Variants in CADM2 observed in about 807,000 individuals in gnomAD.
CADM2 encodes cell adhesion molecule 2, also known as immunoglobulin superfamily member 4D.
A neutral mutation model predicts 49.8 loss-of-function variants in CADM2; 12 were observed. That is an observed-to-expected ratio of 0.24 (90% CI 0.15 to 0.39). The LOEUF is 0.39. Among genes scored for constraint, CADM2 ranks in the 10% least tolerant of loss-of-function variants. The pLI is 1.00. For synonymous variants in CADM2, 214 were observed against 175.4 expected (o/e 1.22, Z -1.74); for missense variants, 378 against 492.3 (o/e 0.77, Z 2.20).
intron 1 of CADM2, among the ~76,000 whole-genome samples, chr3:85,675,418 C>G (rs908174998): frequency 3.3e-5 from 5 of 152,034 alleles, no homozygotes; most frequent in African/African-American, 1.2e-4. Flanking sequence ...TATTGTTGTT[C>G]AATTTTTAAG....
At chr3:84,983,883 A>C (rs2032363978) in intron 1 of CADM2, among the ~76,000 whole-genome samples, 1 of 152,124 alleles carries the variant, frequency 6.6e-6, no homozygotes, top group Non-Finnish European at 1.5e-5. Context: ...ATGAACTGGA[A>C]AATATGTTAT....
intron 8 of CADM2, among the ~76,000 whole-genome samples, chr3:85,990,803 C>A (rs112965461): frequency 0.012 from 1,860 of 152,260 alleles, 42 homozygotes; most frequent in African/African-American, 0.042. Flanking sequence ...CGTAGATAGA[C>A]CATCCTTTAA....
intron 1 of CADM2, among the ~76,000 whole-genome samples, chr3:85,433,286 A>G (rs1339165220): frequency 2.0e-5 from 3 of 152,154 alleles, no homozygotes; most frequent in African/African-American, 7.2e-5. Context: ...GTTTTCCCAG[A>G]CATCTGTCTA....
chr3:85,087,817 T>C (rs1366139009), intron 1 of CADM2, among the ~76,000 whole-genome samples: 1 of 152,124 alleles, frequency 6.6e-6, no homozygotes, highest in East Asian at 1.9e-4. Context: ...TTCTTACACA[T>C]CCTAAAGGAA....
rs532796554 is a variant in CADM2 at position 85,717,485 on chromosome 3, C to A, written c.62-9037C>A. On this transcript the variant is annotated intron_variant, in intron 1 of 9. Coordinates refer to ENST00000383699, the MANE Select transcript of CADM2 (RefSeq NM_001167675.2). ...CTTCCTATTTGAATATCCTTTATTT[C>A]TTTCTCTCCCCTGATTGCCCTGGCC... Among the ~76,000 whole-genome samples, 37 of 152,202 alleles carry A rather than the reference C, an allele frequency of 2.4e-4. 1 individual carries two copies. The highest frequency in any genetic ancestry group is 8.4e-4 in the African/African-American group (35 of 41,524).
At chr3:85,671,792 A>G (rs1199825390) in intron 1 of CADM2, among the ~76,000 whole-genome samples, 2 of 152,118 alleles carry the variant, frequency 1.3e-5, no homozygotes, top group Non-Finnish European at 2.9e-5. Flanking sequence ...ATCTTCTCAT[A>G]TGTGTACCCT....
At chr3:85,006,654 G>A (rs981600219) in intron 1 of CADM2, among the ~76,000 whole-genome samples, 2 of 151,948 alleles carry the variant, frequency 1.3e-5, no homozygotes, top group African/African-American at 4.8e-5. Flanking sequence ...TTCTTGTAGG[G>A]TAGCAACAAT....
At chr3:85,721,406 TG>T (rs1209800818) in intron 1 of CADM2, among the ~76,000 whole-genome samples, 2 of 152,124 alleles carry the variant, frequency 1.3e-5, no homozygotes, top group African/African-American at 2.4e-5. Context: ...TCCTCAGGCC[TG>T]CTGGGCTCAT....
intron 3 of CADM2, among the ~76,000 whole-genome samples, chr3:85,824,773 A>C (rs1055739283): frequency 6.6e-6 from 1 of 152,104 alleles, no homozygotes; most frequent in Non-Finnish European, 1.5e-5. Flanking sequence ...GAGCAAGGTC[A>C]GGTACTTCAT....
intron 1 of CADM2, among the ~76,000 whole-genome samples, chr3:85,041,604 C>A (rs993283474): frequency 1.3e-5 from 2 of 152,166 alleles, no homozygotes; most frequent in Non-Finnish European, 2.9e-5. Flanking sequence ...TTTCTAACTT[C>A]AAGGAGTGAG....
rs755033864 is a variant in CADM2, at chr3:85,658,617, T to TACAC, written c.62-67902_62-67901insCACA. On this transcript the variant is annotated intron_variant, in intron 1 of 9. Transcript: ENST00000383699. ...ATATATATATATATATATATATATA[T>TACAC]ACATGTATGCATATGTTTGTTTATG... 2.1e-4 allele frequency among the ~76,000 whole-genome samples: 26 copies of TACAC among 125,090 alleles called. No homozygotes were observed. The East Asian group carries it at 2.9e-3, about 14-fold the overall frequency. 82.1% of individuals were successfully genotyped at this position (125,090 alleles called of 152,430 possible).
chr3:85,186,354 A>C (rs1000918686), intron 1 of CADM2, among the ~76,000 whole-genome samples: 1 of 152,144 alleles, frequency 6.6e-6, no homozygotes, highest in Non-Finnish European at 1.5e-5. Context: ...AATGCCACAT[A>C]ATCTAAAACC....
intron 2 of CADM2, among the ~76,000 whole-genome samples, chr3:85,756,322 C>T (rs550714484): frequency 2.0e-4 from 30 of 152,190 alleles, no homozygotes; most frequent in Admixed American, 5.9e-4. Context: ...TCTTCTAACT[C>T]AAGTTTATTC....
chr3:85,051,059 A>G (rs1375520214), intron 1 of CADM2, among the ~76,000 whole-genome samples: 1 of 152,192 alleles, frequency 6.6e-6, no homozygotes, highest in Admixed American at 6.5e-5. Context: ...TCCAAAGCTT[A>G]TGTGGAGACT....
intron 1 of CADM2, among the ~76,000 whole-genome samples, chr3:85,718,705 G>C (rs879829433): frequency 6.6e-6 from 1 of 151,638 alleles, no homozygotes; most frequent in Non-Finnish European, 1.5e-5. Flanking sequence ...TAAAATATCA[G>C]TTATTTTGCT....
chr3:85,686,947 G>A (rs1039626280), intron 1 of CADM2, among the ~76,000 whole-genome samples: 5 of 152,094 alleles, frequency 3.3e-5, no homozygotes, highest in South Asian at 2.1e-4. Context: ...CCTAAAATGC[G>A]TAAAACCAAA....
intron 1 of CADM2, among the ~76,000 whole-genome samples, chr3:85,521,120 A>G (rs2061018035): frequency 6.6e-6 from 1 of 152,102 alleles, no homozygotes; most frequent in African/African-American, 2.4e-5. Context: ...AATGAACGCA[A>G]TTGTTTAGAG....
At chr3:85,547,508 A>G (rs2061696713) in intron 1 of CADM2, among the ~76,000 whole-genome samples, 1 of 152,122 alleles carries the variant, frequency 6.6e-6, no homozygotes, top group Non-Finnish European at 1.5e-5. Flanking sequence ...AAAAAAGCTG[A>G]CCTGGCAGTC....
intron 8 of CADM2, chr3:86,013,367 G>A: frequency 6.5e-7 from 1 of 1,541,522 alleles, no homozygotes. Flanking sequence ...TGATTCTGAT[G>A]GGAAAGCAAA....
Sources: allele counts gnomAD v4.1 joint callset (sites outside exome capture counted in the v4.1 genomes callset), GRCh38; gene constraint gnomAD v4.1.1; transcripts MANE v1.5; gene names NCBI Gene and HGNC (gene_info 2026-07-23, HGNC 2026-07-21).